ADGRV1: variants seen among roughly 807,000 people sequenced by gnomAD.
ADGRV1 encodes adhesion G protein-coupled receptor V1, also known as G-protein coupled receptor 98.
A neutral mutation model predicts 596.2 loss-of-function variants in ADGRV1; 359 were observed. That is an observed-to-expected ratio of 0.60 (90% CI 0.55 to 0.66). ADGRV1 has a LOEUF of 0.66. Ranked by LOEUF, ADGRV1 falls within the 30% of genes least tolerant of loss-of-function variation. The probability of loss-of-function intolerance (pLI) is 0.00; values close to 1 mark genes in which losing one functional copy is unlikely to be tolerated. For missense variants in ADGRV1, 7,274 were observed against 7,575.6 expected, an observed-to-expected ratio of 0.96 and a Z score of 1.48; for synonymous variants, 2,681 against 2,679.2, an observed-to-expected ratio of 1.00 and a Z score of -0.02.
chr5:90,738,594 G>GT (rs200222825), intron 50 of ADGRV1, among the ~76,000 whole-genome samples: 1,812 of 152,134 alleles, frequency 0.012, 36 homozygotes, highest in African/African-American at 0.041. Flanking sequence ...CTTGGTAGAA[G>GT]TTTTTTTCCC....
intron 1 of ADGRV1, among the ~76,000 whole-genome samples, chr5:90,572,392 T>TA (rs1326662276): frequency 6.6e-6 from 1 of 152,112 alleles, no homozygotes; most frequent in African/African-American, 2.4e-5. Context: ...TAAAATAAAA[T>TA]AAAAAAGTTC....
intron 87 of ADGRV1, among the ~76,000 whole-genome samples, chr5:91,111,366 A>G (rs773458463): frequency 6.6e-6 from 1 of 152,204 alleles, no homozygotes; most frequent in African/African-American, 2.4e-5. Context: ...AAATGAAAAT[A>G]GTTTTTGAGG....
chr5:90,648,916 A>G (rs1457212627), intron 17 of ADGRV1, among the ~76,000 whole-genome samples: 1 of 152,258 alleles, frequency 6.6e-6, no homozygotes, highest in Non-Finnish European at 1.5e-5. Flanking sequence ...AAATGAAAGG[A>G]GTTGCTACAG....
chr5:90,813,277 G>A (rs1239288692), intron 74 of ADGRV1, among the ~76,000 whole-genome samples: 1 of 150,628 alleles, frequency 6.6e-6, no homozygotes, highest in South Asian at 2.1e-4. Flanking sequence ...AATTAGTTTG[G>A]CACTGGCCAG....
intron 86 of ADGRV1, among the ~76,000 whole-genome samples, chr5:91,085,421 T>C (rs1340957356): frequency 6.6e-6 from 1 of 152,190 alleles, no homozygotes; most frequent in Admixed American, 6.5e-5. Context: ...TTATTTTTAA[T>C]TGATAAGTCT....
rs1210967634 is a variant in ADGRV1, at chr5:90,614,994, C to T, written c.182C>T (p.Pro61Leu). The stretch of plus-strand genomic sequence containing the variant: ...CTTATCATTGAAAGGATAGGAGAGC[C>T]AGCAAATGTTACTGCAATTGTATCG... ...IRLIIERIGE[P>L]ANVTAIVSLY... is the part of the protein sequence containing the mutation. Residue 61 changes from proline (P) to leucine (L), a missense_variant, in exon 2 of 90, where the codon CCA becomes CTA. Coordinates refer to ENST00000405460, the MANE Select transcript of ADGRV1 (RefSeq NM_032119.4). 1.2e-5 allele frequency: 18 copies of T among 1,479,310 alleles called. No individual in the cohort carries two copies. Among genetic ancestry groups the T allele is most frequent in the Non-Finnish European group, 1.4e-5 (16 of 1,107,764 alleles). The allele number at this position is 1,479,310 out of a possible 1,614,324, so 91.6% of individuals were successfully genotyped here.
intron 70 of ADGRV1, among the ~76,000 whole-genome samples, chr5:90,795,029 G>A (rs543497805): frequency 6.6e-6 from 1 of 151,758 alleles, no homozygotes; most frequent in Non-Finnish European, 1.5e-5. Context: ...CCAGGGCCCT[G>A]GGTTTCAAGC....
At position 90,688,337 on chromosome 5, in the gene ADGRV1, G is replaced by A. The variant is rs530249072; in HGVS notation, c.6491-1524G>A. Among the ~76,000 whole-genome samples the A allele has an allele frequency of 1.1e-4, 16 of 152,210 alleles. No homozygotes were observed. The South Asian group carries it at 2.5e-3, about 24-fold the overall frequency. On this transcript the variant is annotated intron_variant, in intron 29 of 89. Coordinates refer to ENST00000405460, the MANE Select transcript of ADGRV1 (RefSeq NM_032119.4). ...TAAATGGTGCTGGGAAAACTGGCTAGCCATATGTTGATTTTACAATTTTGT... is the reference window on the plus strand; with the variant it reads ...TAAATGGTGCTGGGAAAACTGGCTAACCATATGTTGATTTTACAATTTTGT...
At chr5:91,063,599 G>A (rs1435400463) in intron 85 of ADGRV1, among the ~76,000 whole-genome samples, 2 of 152,176 alleles carry the variant, frequency 1.3e-5, no homozygotes, top group South Asian at 2.1e-4. Flanking sequence ...CAAAATAGAA[G>A]ATTCTGATGA....
At chr5:91,017,557 A>G (rs1055445163) in intron 85 of ADGRV1, among the ~76,000 whole-genome samples, 2 of 151,948 alleles carry the variant, frequency 1.3e-5, no homozygotes, top group East Asian at 1.9e-4. Flanking sequence ...CAATTATTAC[A>G]TGCTCTTTGG....
At chr5:91,104,132 G>A (rs1002352929) in intron 87 of ADGRV1, among the ~76,000 whole-genome samples, 1 of 151,742 alleles carries the variant, frequency 6.6e-6, no homozygotes, top group African/African-American at 2.4e-5. Flanking sequence ...TGACATGTTT[G>A]TACTGGAAAG....
At chr5:91,133,948 C>G (rs1794423429) in intron 87 of ADGRV1, among the ~76,000 whole-genome samples, 1 of 152,086 alleles carries the variant, frequency 6.6e-6, no homozygotes, top group Non-Finnish European at 1.5e-5. Context: ...AAAGGTAAAT[C>G]CTCAGTATGC....
chr5:91,059,108 A>G (rs771200068), intron 85 of ADGRV1, among the ~76,000 whole-genome samples: 1 of 152,228 alleles, frequency 6.6e-6, no homozygotes. Flanking sequence ...GCTTAGCAAT[A>G]GACGACAGTG....
intron 9 of ADGRV1, among the ~76,000 whole-genome samples, chr5:90,634,578 T>C (rs1460162712): frequency 1.3e-5 from 2 of 151,884 alleles, no homozygotes; most frequent in Admixed American, 1.3e-4. Flanking sequence ...AGAAGGGAAA[T>C]GGGGGATGAT....
chr5:90,864,177 CTGTT>C (rs1581362709), intron 83 of ADGRV1, among the ~76,000 whole-genome samples: 2 of 151,718 alleles, frequency 1.3e-5, no homozygotes, highest in Admixed American at 1.3e-4. Flanking sequence ...TTTTATTAAT[CTGTT>C]TGAAATATGC....
At chr5:90,925,147 G>A (rs1236374612) in intron 83 of ADGRV1, among the ~76,000 whole-genome samples, 2 of 152,120 alleles carry the variant, frequency 1.3e-5, no homozygotes, top group Non-Finnish European at 2.9e-5. Context: ...CTTTAAAGTA[G>A]TTTTTTCCAA....
intron 82 of ADGRV1, 55 bp downstream of exon 82, chr5:90,855,956 C>T: frequency 1.4e-6 from 2 of 1,404,722 alleles, no homozygotes; most frequent in Non-Finnish European, 2.0e-6. Flanking sequence ...AAATGAAAGT[C>T]TGTTTTCCCA....
chr5:90,959,355 A>G (rs1371151270), intron 83 of ADGRV1, among the ~76,000 whole-genome samples: 1 of 152,152 alleles, frequency 6.6e-6, no homozygotes. Context: ...GAAGACCTAA[A>G]TAAATGGAGA....
rs577376858 is a variant in ADGRV1 at position 90,795,560 on chromosome 5, G to A, written c.14517+4214G>A. 2.0e-5 allele frequency among the ~76,000 whole-genome samples: 3 copies of A among 152,336 alleles called. No individual in the cohort carries two copies. In the South Asian group the frequency reaches 6.2e-4, roughly 32 times the overall value. On this transcript the variant is annotated intron_variant, in intron 70 of 89. Coordinates refer to ENST00000405460, the MANE Select transcript of ADGRV1 (RefSeq NM_032119.4). The stretch of plus-strand genomic sequence containing the variant: ...AGAGCACCTGGGGGAAGGGGCGGCT[G>A]AAGGAGCAGCTTCAGCAGACTTAAA...
Sources: gnomAD v4.1 joint callset for allele counts (sites outside exome capture counted in the v4.1 genomes callset) on GRCh38, gnomAD v4.1.1 for gene constraint, MANE v1.5 for transcripts, NCBI Gene and HGNC (gene_info 2026-07-23, HGNC 2026-07-21) for gene names.